The following NAPB variants were observed in gnomAD, a reference collection of about 807,000 sequenced individuals.
The protein encoded by NAPB is beta-soluble NSF attachment protein.
In NAPB, 26 loss-of-function variants were observed where a neutral mutation model predicts 44.7. The ratio of observed to expected loss-of-function variants is 0.58; its 90% CI spans 0.43 to 0.81. NAPB has a LOEUF of 0.81. NAPB is among the 30% of genes least tolerant of loss of function. The pLI, the probability that NAPB is intolerant of heterozygous loss-of-function variation, is 0.00. For missense variants in NAPB, 315 were observed against 356.4 expected, an observed-to-expected ratio of 0.88 and a Z score of 0.94; for synonymous variants, 120 against 116.8, an observed-to-expected ratio of 1.03 and a Z score of -0.18.
intron 1 of NAPB, among the ~76,000 whole-genome samples, chr20:23,413,568 A>T (rs1985801091): frequency 6.6e-6 from 1 of 152,200 alleles, no homozygotes. Context: ...CAAATCAATC[A>T]AAATATTGGT....
intron 1 of NAPB, 34 bp from the exon 2 acceptor site, chr20:23,403,106 C>A (rs1330263547): frequency 3.4e-6 from 5 of 1,458,182 alleles, no homozygotes; most frequent in Non-Finnish European, 4.8e-6. Context: ...TTTTTAACAA[C>A]CATCCACATC....
chr20:23,400,300 C>T (rs1984736495), intron 2 of NAPB, among the ~76,000 whole-genome samples: 2 of 152,234 alleles, frequency 1.3e-5, no homozygotes, highest in South Asian at 2.1e-4. Flanking sequence ...AGGCACTCCT[C>T]GTGGTCAGGA....
intron 1 of NAPB, among the ~76,000 whole-genome samples, chr20:23,403,634 G>A (rs1985024015): frequency 6.8e-6 from 1 of 147,800 alleles, no homozygotes; most frequent in East Asian, 2.0e-4. Flanking sequence ...CACAGATCTG[G>A]CTGACCCCAG....
At chr20:23,402,497 C>T (rs1984925768) in intron 2 of NAPB, among the ~76,000 whole-genome samples, 1 of 152,076 alleles carries the variant, frequency 6.6e-6, no homozygotes, top group Non-Finnish European at 1.5e-5. Context: ...AAATCCATCC[C>T]CCTCCCCCCA....
intron 7 of NAPB, among the ~76,000 whole-genome samples, chr20:23,382,001 C>T (rs1983040831): frequency 6.6e-6 from 1 of 152,176 alleles, no homozygotes; most frequent in Non-Finnish European, 1.5e-5. Flanking sequence ...GATCCCCACC[C>T]AACCCCCTGA....
Position 23,379,442 on chromosome 20 carries a change from T to TA in NAPB, c.786+2dup. The TA allele has an allele frequency of 6.3e-7, 1 of 1,597,386 alleles. No individual in the cohort carries two copies. Among genetic ancestry groups the TA allele is most frequent in the Non-Finnish European group, 8.5e-7 (1 of 1,174,550 alleles). On this transcript the variant is annotated splice_region_variant and intron_variant, in intron 10 of 10. Transcript: ENST00000377026. ...TGTACCATGTCCCAAAAGCATAACT[T>TA]ACTGCTTCAGTGTAAGCTTCACTGT...
At chr20:23,393,927 G>A (rs1015922867) in intron 5 of NAPB, among the ~76,000 whole-genome samples, 2 of 152,318 alleles carry the variant, frequency 1.3e-5, no homozygotes, top group African/African-American at 2.4e-5. Flanking sequence ...AGGCAGGAGC[G>A]CTCATCTGGC....
At position 23,421,457 on chromosome 20, in the gene NAPB, G is replaced by T; in HGVS notation, c.-55C>A. On this transcript the variant is annotated 5_prime_UTR_variant, in exon 1 of 11. Transcript: ENST00000377026. ...CAGCCGGCTCGCTGTGCGCCCAGGCGCCTTAACCCTCCCTCTGGCGGCCGC... is the reference window on the plus strand; with the variant it reads ...CAGCCGGCTCGCTGTGCGCCCAGGCTCCTTAACCCTCCCTCTGGCGGCCGC... 6.8e-7 allele frequency: 1 copy of T among 1,475,814 alleles called. No homozygotes were observed. The allele number at this position is 1,475,814 out of a possible 1,614,324, so 91.4% of individuals were successfully genotyped here. A position where few individuals can be genotyped will look rare whatever the true frequency, so the allele number is the denominator to read the frequency against.
At chr20:23,391,993 A>G (rs1403218032) in intron 5 of NAPB, among the ~76,000 whole-genome samples, 1 of 152,244 alleles carries the variant, frequency 6.6e-6, no homozygotes, top group Non-Finnish European at 1.5e-5. Flanking sequence ...AGAGATTTGC[A>G]GGGACAAGAA....
rs1983856422 is a variant in NAPB at position 23,390,349 on chromosome 20, A to G, written c.421-85T>C. 3.4e-5 allele frequency: 40 copies of G among 1,165,580 alleles called. No individual in the cohort carries two copies. The South Asian group carries it at 5.0e-4, about 14-fold the overall frequency. 72.2% of individuals were successfully genotyped at this position (1,165,580 alleles called of 1,614,324 possible). On this transcript the variant is annotated intron_variant, in intron 5 of 10. Coordinates refer to ENST00000377026, the MANE Select transcript of NAPB (RefSeq NM_022080.3). ...ACATTTGCATAGGTATTTTTCCATA[A>G]ATAAACCTACTCTACCAGCAAACTT... is the stretch of plus-strand genomic sequence containing the variant.
At chr20:23,418,913 A>G (rs1986195787) in intron 1 of NAPB, among the ~76,000 whole-genome samples, 1 of 152,078 alleles carries the variant, frequency 6.6e-6, no homozygotes, top group Admixed American at 6.6e-5. Flanking sequence ...CGCCACTGCA[A>G]TCCAGCCCGG....
chr20:23,401,170 G>A (rs1423437588), intron 2 of NAPB, among the ~76,000 whole-genome samples: 1 of 152,144 alleles, frequency 6.6e-6, no homozygotes, highest in Non-Finnish European at 1.5e-5. Flanking sequence ...TGAAGTGGGA[G>A]CTGGGTGCAC....
Position 23,377,145 on chromosome 20 carries a change from CG to C in NAPB, c.*230del. Reference sequence around the variant, plus strand: ...AGATTCTGAAGTACTTCTCAGAAAACGCTGGGGGTTCTGATAAGCATGAAAC... The same window carrying C: ...AGATTCTGAAGTACTTCTCAGAAAACCTGGGGGTTCTGATAAGCATGAAAC... On this transcript the variant is annotated 3_prime_UTR_variant, in exon 11 of 11. Coordinates refer to ENST00000377026, the MANE Select transcript of NAPB (RefSeq NM_022080.3). 3.3e-6 allele frequency: 1 copy of C among 303,630 alleles called. No individual in the cohort carries two copies. The highest frequency in any genetic ancestry group is 5.2e-5 in the East Asian group (1 of 19,282). The allele number at this position is 303,630 out of a possible 1,614,324, so 18.8% of individuals were successfully genotyped here.
Position 23,397,080 on chromosome 20 carries a change from T to G in NAPB, c.287A>C (p.Asp96Ala), listed in dbSNP as rs150742369. ...VDAGNAYKKA[D>A]PQEAINCLNA... ...ATGCCTGGCTGTCTTACCTTGGGGA[T>G]CTGCCTTTTTGTAAGCATTTCCAGC... is the stretch of plus-strand genomic sequence containing the variant. The change falls in exon 3 of 11, where the codon GAT (aspartate) becomes GCT (alanine). Residue 96 changes from aspartate (D) to alanine (A), a missense_variant. By Grantham distance (126) the Asp-to-Ala change is moderately radical. This residue lies in a region of NAPB where 179 missense variants were observed against 182.5 expected (regional missense o/e 0.98). Coordinates refer to ENST00000377026, the MANE Select transcript of NAPB (RefSeq NM_022080.3). The G allele has an allele frequency of 1.9e-4, 301 of 1,612,744 alleles. No homozygotes were observed. The highest frequency in any genetic ancestry group is 2.5e-4 in the Non-Finnish European group (290 of 1,179,002).
At chr20:23,420,504 C>G (rs6048791) in intron 1 of NAPB, among the ~76,000 whole-genome samples, 11,988 of 152,192 alleles carry the variant, frequency 0.079, 1,114 homozygotes, top group African/African-American at 0.22. Flanking sequence ...CGGGGCCCAC[C>G]TGCAGGCGGG....
intron 5 of NAPB, among the ~76,000 whole-genome samples, chr20:23,392,498 T>C (rs1163802538): frequency 1.3e-5 from 2 of 151,964 alleles, no homozygotes; most frequent in African/African-American, 2.4e-5. Context: ...AGACCTCATT[T>C]GTATGAAAAA....
intron 1 of NAPB, among the ~76,000 whole-genome samples, chr20:23,418,098 G>C (rs1986131398): frequency 6.6e-6 from 1 of 152,162 alleles, no homozygotes; most frequent in Admixed American, 6.6e-5. Context: ...AATATGCCAA[G>C]CAGCTTTTAA....
chr20:23,404,878 G>A lies in NAPB; in HGVS notation c.99-1806C>T, dbSNP rs1442832452. Reference sequence around the variant, plus strand: ...AAAAATAACAAGAGTCAGGGAAGACGTGGAGAAACCTTATATATGTGGAGA... The same window carrying A: ...AAAAATAACAAGAGTCAGGGAAGACATGGAGAAACCTTATATATGTGGAGA... On this transcript the variant is annotated intron_variant, in intron 1 of 10. Coordinates refer to ENST00000377026, the MANE Select transcript of NAPB (RefSeq NM_022080.3). 7.9e-5 allele frequency among the ~76,000 whole-genome samples: 12 copies of A among 152,166 alleles called. No individual in the cohort carries two copies. In the South Asian group the frequency reaches 1.0e-3, roughly 13 times the overall value.
intron 1 of NAPB, among the ~76,000 whole-genome samples, chr20:23,408,223 G>A (rs1985390524): frequency 6.6e-6 from 1 of 152,158 alleles, no homozygotes; most frequent in Middle Eastern, 3.2e-3. Flanking sequence ...CCCAGTGTGG[G>A]GAGCCTGGGG....
Sources: gnomAD v4.1 joint callset for allele counts (sites outside exome capture counted in the v4.1 genomes callset) on GRCh38, gnomAD v4.1.1 for gene constraint, gnomAD v4.1.1 regional missense constraint, MANE v1.5 for transcripts, NCBI Gene and HGNC (gene_info 2026-07-23, HGNC 2026-07-21) for gene names.